The following SGCB variants were observed in gnomAD, a reference collection of about 807,000 sequenced individuals.
SGCB encodes the protein beta-sarcoglycan.
Under a neutral mutation model 27.3 loss-of-function variants are expected in SGCB, and 25 were observed. The observed-to-expected ratio is 0.92, with a 90% CI of 0.67 to 1.28. The LOEUF is 1.28. SGCB is among the 50% of genes most tolerant of loss of function. The probability of loss-of-function intolerance (pLI) is 0.00; values close to 1 mark genes in which losing one functional copy is unlikely to be tolerated. For synonymous variants in SGCB, 147 were observed against 133.5 expected (o/e 1.10, Z -0.70); for missense variants, 436 against 402.1 (o/e 1.08, Z -0.72).
In SGCB at chr4:52,026,384, G is replaced by A. The variant is rs1166795611; in HGVS notation, c.753+1584C>T. On this transcript the variant is annotated intron_variant, in intron 5 of 5. Coordinates refer to ENST00000381431, the MANE Select transcript of SGCB (RefSeq NM_000232.5). ...AGCGATTCTCCTGCCTCAGCCTCCC[G>A]GGTAGCTGGGATTACAGGCGCCCGC... 6.7e-5 allele frequency among the ~76,000 whole-genome samples: 10 copies of A among 148,826 alleles called. No homozygotes were observed. In the East Asian group the frequency reaches 1.5e-3, roughly 22 times the overall value.
chr4:52,028,883 T>G lies in SGCB; in HGVS notation c.468A>C (p.Glu156Asp). ...FQQGTTKLSV[E>D]NNKTSITSDI... ...CACTTGTAATAGAAGTTTTGTTGTT[T>G]TCTACACTGAGCTTTGTTGTCCCTT... The change falls in exon 4 of 6, where the codon GAA becomes GAC. Residue 156 changes from glutamate (E) to aspartate (D), a missense_variant. By Grantham distance (45) the Glu-to-Asp change is conservative (BLOSUM62 2). Coordinates refer to ENST00000381431, the MANE Select transcript of SGCB (RefSeq NM_000232.5). The G allele has an allele frequency of 6.2e-7, 1 of 1,614,036 alleles. No homozygotes were observed. The highest frequency in any genetic ancestry group is 8.5e-7 in the Non-Finnish European group (1 of 1,179,938).
chr4:52,028,161 G>T, intron 4 of SGCB, 62 bp from the exon 5 acceptor site: 1 of 1,327,706 alleles, frequency 7.5e-7, no homozygotes, highest in Non-Finnish European at 1.1e-6. Context: ...ATTGTTATCA[G>T]AGATAGAGAA....
At chr4:52,027,131 G>GA (rs1737119630) in intron 5 of SGCB, among the ~76,000 whole-genome samples, 1 of 152,106 alleles carries the variant, frequency 6.6e-6, no homozygotes, top group African/African-American at 2.4e-5. Context: ...TAATAAGAAA[G>GA]AATGATAAGT....
At chr4:52,031,741 C>T in intron 2 of SGCB, 2 of 263,504 alleles carry the variant, frequency 7.6e-6, no homozygotes, top group Non-Finnish European at 7.7e-6. Context: ...TGGCACTTTC[C>T]TCAAAAGTCT....
intron 2 of SGCB, among the ~76,000 whole-genome samples, chr4:52,031,234 C>G (rs1737235645): frequency 6.6e-6 from 1 of 152,092 alleles, no homozygotes; most frequent in Non-Finnish European, 1.5e-5. Context: ...TTTCTGTGCT[C>G]TTTCTGAAAC....
rs1363676745 is a variant in SGCB at position 52,033,550 on chromosome 4, C to T, written c.124G>A (p.Ala42Thr). 2.5e-6 allele frequency: 4 copies of T among 1,613,672 alleles called. No individual in the cohort carries two copies. The Admixed American group carries it at 5.0e-5, about 20-fold the overall frequency. ...VNKEHNSNFK[A>T]GYIPIDEDRL... ...TCTTCATCAATCGGAATGTATCCAG[C>T]TTTAAAGTTACTGTTGTGCTCTTTA... Residue 42 changes from alanine to threonine, a missense_variant, in exon 2 of 6, where the codon GCT becomes ACT. Transcript: ENST00000381431.
In SGCB at chr4:52,022,629, C is replaced by T. The variant is rs908615278; in HGVS notation, c.*1328G>A. 2.6e-5 allele frequency: 4 copies of T among 152,190 alleles called. No individual in the cohort carries two copies. The highest frequency in any genetic ancestry group is 6.5e-5 in the Admixed American group (1 of 15,276). The allele number at this position is 152,190 out of a possible 1,614,324, so 9.4% of individuals were successfully genotyped here. A position where few individuals can be genotyped will look rare whatever the true frequency, so the allele number is the denominator to read the frequency against. ...TGCATTAGCACTCTTTAGTCCAGTG[C>T]TTCTGGACTTATTTTCGAGGCATGG... On this transcript the variant is annotated 3_prime_UTR_variant, in exon 6 of 6. Coordinates refer to ENST00000381431, the MANE Select transcript of SGCB (RefSeq NM_000232.5).
Position 52,028,755 on chromosome 4 carries a change from T to C in SGCB, c.596A>G (p.Asn199Ser), listed in dbSNP as rs1362492162. Residue 199 changes from asparagine to serine, a missense_variant, in exon 4 of 6, where the codon AAT becomes AGT. Transcript: ENST00000381431. Reference sequence around the variant, plus strand: ...CCTTTCAGTAGATGCCTTTTGAACATTCAAACTTTTCACTCCACTTGGCAA... The same window carrying C: ...CCTTTCAGTAGATGCCTTTTGAACACTCAAACTTTTCACTCCACTTGGCAA... ...FHLPSGVKSLNVQKASTERIT... is the reference protein window; with the variant it reads ...FHLPSGVKSLSVQKASTERIT... 4.3e-6 allele frequency: 7 copies of C among 1,613,360 alleles called. No homozygotes were observed. In the Admixed American group the frequency reaches 8.3e-5, roughly 19 times the overall value.
chr4:52,024,203 G>T (rs760313367), intron 5 of SGCB, 43 bp from the exon 6 acceptor site: 1 of 1,480,280 alleles, frequency 6.8e-7, no homozygotes, highest in African/African-American at 1.4e-5. Flanking sequence ...CTCCATGAGG[G>T]GGTACAGAAC....
Position 52,024,108 on chromosome 4 carries a change from G to A in SGCB, c.806C>T (p.Pro269Leu). ...CAACTGGTCTCCACTGGAGGAACTG[G>A]GTAGGCGGGTGGTGCTGACCATCAC... ...GSVMVSTTRL[P>L]SSSSGDQLGS... Residue 269 changes from proline (P) to leucine (L), a missense_variant, in exon 6 of 6, where the codon CCC becomes CTC. By Grantham distance (98) the Pro-to-Leu change is moderately conservative. Coordinates refer to ENST00000381431, the MANE Select transcript of SGCB (RefSeq NM_000232.5). The A allele has an allele frequency of 6.2e-7, 1 of 1,614,096 alleles. No homozygotes were observed. The highest frequency in any genetic ancestry group is 8.5e-7 in the Non-Finnish European group (1 of 1,180,002).
chr4:52,037,991 G>A (rs1737441536), intron 1 of SGCB, among the ~76,000 whole-genome samples: 1 of 152,070 alleles, frequency 6.6e-6, no homozygotes, highest in South Asian at 2.1e-4. Context: ...CCCCTCCGAG[G>A]ATCAGCCAGG....
In SGCB at chr4:52,021,889, G is replaced by A. The variant is rs944581902; in HGVS notation, c.*2068C>T. The A allele has an allele frequency of 1.3e-5, 2 of 152,002 alleles. No individual in the cohort carries two copies. Among genetic ancestry groups the A allele is most frequent in the South Asian group, 4.1e-4 (2 of 4,828 alleles). The allele number at this position is 152,002 out of a possible 1,614,324, so 9.4% of individuals were successfully genotyped here. A position where few individuals can be genotyped will look rare whatever the true frequency, so the allele number is the denominator to read the frequency against. On this transcript the variant is annotated 3_prime_UTR_variant, in exon 6 of 6. Transcript: ENST00000381431. ...TCATGGAGATGTATCAAAAACACAA[G>A]TATTTCCCAAAAAAGAGTAAAAATA...
At chr4:52,032,469 T>C (rs1737274306) in intron 2 of SGCB, among the ~76,000 whole-genome samples, 1 of 152,222 alleles carries the variant, frequency 6.6e-6, no homozygotes, top group Admixed American at 6.5e-5. Flanking sequence ...ACGAGCTTTT[T>C]AGAGAAGAAG....
At chr4:52,028,237 T>C in intron 4 of SGCB, 138 bp from the exon 5 acceptor site, 2 of 689,898 alleles carry the variant, frequency 2.9e-6, no homozygotes, top group South Asian at 3.6e-5. Context: ...GATGTGGAAA[T>C]TGAGATAAAG....
intron 5 of SGCB, among the ~76,000 whole-genome samples, chr4:52,024,684 G>A (rs997784569): frequency 9.9e-5 from 15 of 151,806 alleles, no homozygotes; most frequent in African/African-American, 3.4e-4. Flanking sequence ...AAAACTTAGC[G>A]GGACGTGGTG....
At chr4:52,035,691 A>C (rs529511375) in intron 1 of SGCB, among the ~76,000 whole-genome samples, 1 of 152,308 alleles carries the variant, frequency 6.6e-6, no homozygotes, top group South Asian at 2.1e-4. Flanking sequence ...TGAGGTTAAG[A>C]GGACCTAAAC....
intron 2 of SGCB, among the ~76,000 whole-genome samples, chr4:52,030,356 G>T (rs1360751316): frequency 6.6e-6 from 1 of 151,584 alleles, no homozygotes; most frequent in East Asian, 1.9e-4. Flanking sequence ...TTCTTTTCCA[G>T]CTCCAATCTC....
rs74452364 is a variant in SGCB at position 52,027,710 on chromosome 4, T to A, written c.753+258A>T. On this transcript the variant is annotated intron_variant, in intron 5 of 5. Coordinates refer to ENST00000381431, the MANE Select transcript of SGCB (RefSeq NM_000232.5). ...TAAAACAAATAATCTGTTATCTTGC[T>A]ATCCACAGCTAAACATTGTTGACAT... is the stretch of plus-strand genomic sequence containing the variant. Among the ~76,000 whole-genome samples the A allele has an allele frequency of 3.5e-3, 525 of 152,114 alleles. 4 individuals are homozygous for A. Among genetic ancestry groups the A allele is most frequent in the African/African-American group, 0.012 (485 of 41,542 alleles).
At position 52,020,764 on chromosome 4, in the gene SGCB, C is replaced by G. The variant is rs186866895; in HGVS notation, c.*3193G>C. On this transcript the variant is annotated 3_prime_UTR_variant, in exon 6 of 6. Coordinates refer to ENST00000381431, the MANE Select transcript of SGCB (RefSeq NM_000232.5). ...CATTACTAGTTATTACAAACTGAAT[C>G]AACTGAAACTCAAGTTAGCAATGTG... The G allele has an allele frequency of 6.5e-6, 1 of 152,696 alleles. No individual in the cohort carries two copies. Among genetic ancestry groups the G allele is most frequent in the Non-Finnish European group, 1.5e-5 (1 of 68,014 alleles). The allele number at this position is 152,696 out of a possible 1,614,324, so 9.5% of individuals were successfully genotyped here. A position where few individuals can be genotyped will look rare whatever the true frequency, so the allele number is the denominator to read the frequency against.
Sources: gnomAD v4.1 joint callset for allele counts (sites outside exome capture counted in the v4.1 genomes callset) on GRCh38, gnomAD v4.1.1 for gene constraint, MANE v1.5 for transcripts, NCBI Gene and HGNC (gene_info 2026-07-23, HGNC 2026-07-21) for gene names.